RTL8A: variants seen among roughly 807,000 people sequenced by gnomAD.
RTL8A encodes retrotransposon Gag like 8A.
RTL8A carries 4 observed loss-of-function variants against 4.4 expected under a neutral mutation model. The ratio of observed to expected loss-of-function variants is 0.92; its 90% CI spans 0.45 to 2.10. The LOEUF is 2.10. Among genes scored for constraint, RTL8A ranks in the 30% most tolerant of loss-of-function variants. The pLI is 0.03. For synonymous variants in RTL8A, 47 were observed against 45.3 expected (o/e 1.04, Z -0.15); for missense variants, 84 against 99.4 (o/e 0.85, Z 0.66).
Position 135,051,645 on chromosome X carries a change from T to C in RTL8A, c.*122A>G. 1 of 1,111,292 alleles carries C rather than the reference T, an allele frequency of 9.0e-7. No homozygotes were observed. The highest frequency in any genetic ancestry group is 1.2e-6 in the Non-Finnish European group (1 of 847,777). 91.6% of individuals were successfully genotyped at this position (1,111,292 alleles called of 1,213,427 possible). The stretch of plus-strand genomic sequence containing the variant: ...GGAGGGGACAGGAGCGCAGGGGACA[T>C]CGCGGCGGCTCGAGGGGGAGGGAGG... On this transcript the variant is annotated 3_prime_UTR_variant, in exon 1 of 1. Transcript: ENST00000370775.
In RTL8A at chrX:135,051,698, C is replaced by A; in HGVS notation, c.*69G>T. On this transcript the variant is annotated 3_prime_UTR_variant, in exon 1 of 1. Transcript: ENST00000370775. ...CGGAGGGAGGGCGCCTGTGGAGACCCTAGCGGTGGCCACTGGCACAGCGAA... is the reference window on the plus strand; with the variant it reads ...CGGAGGGAGGGCGCCTGTGGAGACCATAGCGGTGGCCACTGGCACAGCGAA... 8.5e-7 allele frequency: 1 copy of A among 1,177,030 alleles called. No homozygotes were observed. The highest frequency in any genetic ancestry group is 3.0e-5 in the East Asian group (1 of 33,208).
In RTL8A at chrX:135,051,320, AGT is replaced by A. The variant is rs2083335951; in HGVS notation, c.*445_*446del. 1 of 989,290 alleles carries A rather than the reference AGT, an allele frequency of 1.0e-6. No homozygotes were observed. Among genetic ancestry groups the A allele is most frequent in the South Asian group, 2.0e-5 (1 of 50,421 alleles). The allele number at this position is 989,290 out of a possible 1,213,427, so 81.5% of individuals were successfully genotyped here. A position where few individuals can be genotyped will look rare whatever the true frequency, so the allele number is the denominator to read the frequency against. On this transcript the variant is annotated 3_prime_UTR_variant, in exon 1 of 1. Transcript: ENST00000370775. ...GTGAGTCCACATCACTAGGAGCCACAGTCTGTTGGTGAGATGCGGTGGATGGC... is the reference window on the plus strand; with the variant it reads ...GTGAGTCCACATCACTAGGAGCCACACTGTTGGTGAGATGCGGTGGATGGC...
rs933205799 is a variant in RTL8A, at chrX:135,052,085, C to T, written c.24G>A (p.Met8Ile). The change falls in exon 1 of 1, where the codon ATG (methionine) becomes ATA (isoleucine). Residue 8 changes from methionine (M) to isoleucine (I), a missense_variant. Transcript: ENST00000370775. ...GGAGGGGCCCGGCCAGGAGGGCCTTCATCAGCTGCACCCGACCGTCCATCG... is the reference window on the plus strand; with the variant it reads ...GGAGGGGCCCGGCCAGGAGGGCCTTTATCAGCTGCACCCGACCGTCCATCG... The part of the protein sequence containing the change: MDGRVQL[M>I]KALLAGPLRP... 2 of 1,207,378 alleles carry T rather than the reference C, an allele frequency of 1.7e-6. No homozygotes were observed. The highest frequency in any genetic ancestry group is 1.7e-5 in the African/African-American group (1 of 57,963).
rs2083337031 is a variant in RTL8A, at chrX:135,051,437, G to A, written c.*330C>T. 25 of 1,084,762 alleles carry A rather than the reference G, an allele frequency of 2.3e-5. No individual in the cohort carries two copies. The highest frequency in any genetic ancestry group is 2.8e-5 in the Admixed American group (1 of 36,085). The allele number at this position is 1,084,762 out of a possible 1,213,427, so 89.4% of individuals were successfully genotyped here. ...GAGGTGGGTTGGCAGCAGCGGCTGT[G>A]GGTGGTCTGTCCAGTATGTAACAGG... On this transcript the variant is annotated 3_prime_UTR_variant, in exon 1 of 1. Coordinates refer to ENST00000370775, the MANE Select transcript of RTL8A (RefSeq NM_001078172.2).
Position 135,051,856 on chromosome X carries a change from T to C in RTL8A, c.253A>G (p.Arg85Gly). ...PALQWVIPYIRKESPLLNDYR... is the reference protein window; with the variant it reads ...PALQWVIPYIGKESPLLNDYR... ...TCATTGAGCAGGGGGCTCTCCTTCC[T>C]GATGTAGGGGATCACCCACTGCAGG... The change falls in exon 1 of 1, where the codon AGG (arginine) becomes GGG (glycine). Residue 85 changes from arginine to glycine, a missense_variant. By Grantham distance (125) the Arg-to-Gly change is moderately radical. Coordinates refer to ENST00000370775, the MANE Select transcript of RTL8A (RefSeq NM_001078172.2). The C allele has an allele frequency of 8.3e-7, 1 of 1,207,286 alleles. No individual in the cohort carries two copies. The highest frequency in any genetic ancestry group is 1.8e-5 in the South Asian group (1 of 56,358).
chrX:135,051,824 C>T lies in RTL8A; in HGVS notation c.285G>A (p.Arg95=). ...RKESPLLNDY[R]GFLAEMKRVF... is the part of the protein sequence containing the mutation. ...CCCGCTTCATCTCGGCCAGGAAGCC[C>T]CGGTAATCATTGAGCAGGGGGCTCT... Residue 95 remains arginine, a synonymous_variant, in exon 1 of 1, where the codon CGG becomes CGA. Transcript: ENST00000370775. 2.5e-6 allele frequency: 3 copies of T among 1,204,619 alleles called. No homozygotes were observed. The Admixed American group carries it at 6.6e-5, about 26-fold the overall frequency.
At position 135,052,000 on chromosome X, in the gene RTL8A, T is replaced by G; in HGVS notation, c.109A>C (p.Thr37Pro). 8.2e-7 allele frequency: 1 copy of G among 1,212,158 alleles called. No individual in the cohort carries two copies. The highest frequency in any genetic ancestry group is 1.1e-6 in the Non-Finnish European group (1 of 895,552). Reference protein sequence around the residue: ...IPFPETFDGDTDRLPEFIVQT... With the variant: ...IPFPETFDGDPDRLPEFIVQT... ...ACGATGAACTCCGGGAGTCGGTCGG[T>G]ATCTCCGTCAAACGTCTCGGGAAAG... The change falls in exon 1 of 1, where the codon ACC (threonine) becomes CCC (proline). Residue 37 changes from threonine (T) to proline (P), a missense_variant. Physicochemically the swap from Thr to Pro is conservative, Grantham distance 38. Transcript: ENST00000370775.
chrX:135,051,741 G>A lies in RTL8A; in HGVS notation c.*26C>T. On this transcript the variant is annotated 3_prime_UTR_variant, in exon 1 of 1. Coordinates refer to ENST00000370775, the MANE Select transcript of RTL8A (RefSeq NM_001078172.2). ...ACAGCGAACTCTTCCCAGAGCACCC[G>A]CCCCCAGGCCCAAGGGTCTCCCGGC... The A allele has an allele frequency of 8.3e-7, 1 of 1,201,724 alleles. No individual in the cohort carries two copies. Among genetic ancestry groups the A allele is most frequent in the Non-Finnish European group, 1.1e-6 (1 of 890,509 alleles).
At position 135,051,465 on chromosome X, in the gene RTL8A, C is replaced by T. The variant is rs1004861671; in HGVS notation, c.*302G>A. On this transcript the variant is annotated 3_prime_UTR_variant, in exon 1 of 1. Transcript: ENST00000370775. ...TGGTCTGTCCAGTATGTAACAGGAGCCCAGCTTGCACCTGAAGTGCAGGAC... is the reference window on the plus strand; with the variant it reads ...TGGTCTGTCCAGTATGTAACAGGAGTCCAGCTTGCACCTGAAGTGCAGGAC... 1.8e-6 allele frequency: 2 copies of T among 1,109,724 alleles called. No homozygotes were observed. Among genetic ancestry groups the T allele is most frequent in the African/African-American group, 3.7e-5 (2 of 54,655 alleles). 91.5% of individuals were successfully genotyped at this position (1,109,724 alleles called of 1,213,427 possible).
chrX:135,051,855 C>T lies in RTL8A; in HGVS notation c.254G>A (p.Arg85Lys). 1 of 1,207,752 alleles carries T rather than the reference C, an allele frequency of 8.3e-7. No individual in the cohort carries two copies. The highest frequency in any genetic ancestry group is 1.7e-5 in the African/African-American group (1 of 57,908). Residue 85 changes from arginine (R) to lysine (K), a missense_variant, in exon 1 of 1, where the codon AGG (arginine) becomes AAG (lysine). Transcript: ENST00000370775. ...ATCATTGAGCAGGGGGCTCTCCTTC[C>T]TGATGTAGGGGATCACCCACTGCAG... ...PALQWVIPYI[R>K]KESPLLNDYR...
In RTL8A at chrX:135,051,745, C is replaced by A; in HGVS notation, c.*22G>T. 1 of 1,204,135 alleles carries A rather than the reference C, an allele frequency of 8.3e-7. No individual in the cohort carries two copies. On this transcript the variant is annotated 3_prime_UTR_variant, in exon 1 of 1. Coordinates refer to ENST00000370775, the MANE Select transcript of RTL8A (RefSeq NM_001078172.2). ...CGAACTCTTCCCAGAGCACCCGCCC[C>A]CAGGCCCAAGGGTCTCCCGGCCTAG...
rs1233736094 is a variant in RTL8A, at chrX:135,051,311, A to G, written c.*456T>C. ...ACCTCCGAGGTGAGTCCACATCACTAGGAGCCACAGTCTGTTGGTGAGATG... is the reference window on the plus strand; with the variant it reads ...ACCTCCGAGGTGAGTCCACATCACTGGGAGCCACAGTCTGTTGGTGAGATG... On this transcript the variant is annotated 3_prime_UTR_variant, in exon 1 of 1. Transcript: ENST00000370775. The G allele has an allele frequency of 8.1e-6, 8 of 988,328 alleles. No homozygotes were observed. The highest frequency in any genetic ancestry group is 7.9e-6 in the Non-Finnish European group (6 of 758,975). 81.4% of individuals were successfully genotyped at this position (988,328 alleles called of 1,213,427 possible).
In RTL8A at chrX:135,051,922, G is replaced by A; in HGVS notation, c.187C>T (p.Leu63=). The A allele has an allele frequency of 1.7e-6, 2 of 1,212,117 alleles. No individual in the cohort carries two copies. Among genetic ancestry groups the A allele is most frequent in the Admixed American group, 2.2e-5 (1 of 46,164 alleles). ...VDENTFSNDA[L]KVTFLITRLT... The stretch of plus-strand genomic sequence containing the variant: ...CGGGTGATGAGGAACGTCACCTTCA[G>A]GGCGTCGTTGGAGAACGTGTTCTCG... The change falls in exon 1 of 1, where the codon CTG becomes TTG. Residue 63 remains leucine (L), a synonymous_variant. Transcript: ENST00000370775.
Position 135,051,526 on chromosome X carries a change from A to C in RTL8A, c.*241T>G. ...TGTGCATGGAGGGGCTGGGCTGGCA[A>C]AAGAGGGCGGAGGCAGCGCGCTCTA... On this transcript the variant is annotated 3_prime_UTR_variant, in exon 1 of 1. Transcript: ENST00000370775. 1.8e-6 allele frequency: 2 copies of C among 1,124,779 alleles called. No individual in the cohort carries two copies. The highest frequency in any genetic ancestry group is 2.1e-5 in the South Asian group (1 of 47,470). 92.7% of individuals were successfully genotyped at this position (1,124,779 alleles called of 1,213,427 possible).
rs1309077164 is a variant in RTL8A, at chrX:135,051,678, G to C, written c.*89C>G. On this transcript the variant is annotated 3_prime_UTR_variant, in exon 1 of 1. Coordinates refer to ENST00000370775, the MANE Select transcript of RTL8A (RefSeq NM_001078172.2). Reference sequence around the variant, plus strand: ...GCTCGAGGGGGAGGGAGGCGCGGAGGGAGGGCGCCTGTGGAGACCCTAGCG... The same window carrying C: ...GCTCGAGGGGGAGGGAGGCGCGGAGCGAGGGCGCCTGTGGAGACCCTAGCG... The C allele has an allele frequency of 8.8e-7, 1 of 1,132,948 alleles. No homozygotes were observed. Among genetic ancestry groups the C allele is most frequent in the Non-Finnish European group, 1.2e-6 (1 of 859,734 alleles). 93.4% of individuals were successfully genotyped at this position (1,132,948 alleles called of 1,213,427 possible).
chrX:135,051,883 C>A lies in RTL8A; in HGVS notation c.226G>T (p.Ala76Ser), dbSNP rs2083340984. ...TFLITRLTGP[A>S]LQWVIPYIRK... The stretch of plus-strand genomic sequence containing the variant: ...ATGTAGGGGATCACCCACTGCAGGG[C>A]TGGCCCCGTGAGGCGGGTGATGAGG... The change falls in exon 1 of 1, where the codon GCC becomes TCC. Residue 76 changes from alanine (A) to serine (S), a missense_variant. Physicochemically the swap from Ala to Ser is moderately conservative, Grantham distance 99. Transcript: ENST00000370775. 1 of 1,211,187 alleles carries A rather than the reference C, an allele frequency of 8.3e-7. No individual in the cohort carries two copies.
At position 135,051,763 on chromosome X, in the gene RTL8A, C is replaced by T. The variant is rs773815748; in HGVS notation, c.*4G>A. 3 of 1,203,563 alleles carry T rather than the reference C, an allele frequency of 2.5e-6. No homozygotes were observed. Among genetic ancestry groups the T allele is most frequent in the African/African-American group, 1.8e-5 (1 of 57,041 alleles). On this transcript the variant is annotated 3_prime_UTR_variant, in exon 1 of 1. Transcript: ENST00000370775. Reference sequence around the variant, plus strand: ...CCCGCCCCCAGGCCCAAGGGTCTCCCGGCCTAGAAGTCCTCGTCCTCCTCC... The same window carrying T: ...CCCGCCCCCAGGCCCAAGGGTCTCCTGGCCTAGAAGTCCTCGTCCTCCTCC...
At position 135,051,314 on chromosome X, in the gene RTL8A, A is replaced by G; in HGVS notation, c.*453T>C. 4.0e-6 allele frequency: 4 copies of G among 989,675 alleles called. No individual in the cohort carries two copies. The highest frequency in any genetic ancestry group is 5.3e-6 in the Non-Finnish European group (4 of 760,078). The allele number at this position is 989,675 out of a possible 1,213,427, so 81.6% of individuals were successfully genotyped here. On this transcript the variant is annotated 3_prime_UTR_variant, in exon 1 of 1. Coordinates refer to ENST00000370775, the MANE Select transcript of RTL8A (RefSeq NM_001078172.2). ...TCCGAGGTGAGTCCACATCACTAGGAGCCACAGTCTGTTGGTGAGATGCGG... is the reference window on the plus strand; with the variant it reads ...TCCGAGGTGAGTCCACATCACTAGGGGCCACAGTCTGTTGGTGAGATGCGG...
In RTL8A at chrX:135,051,190, G is replaced by C. The variant is rs770459682; in HGVS notation, c.*577C>G. 313 of 582,744 alleles carry C rather than the reference G, an allele frequency of 5.4e-4. 1 individual carries two copies. The highest frequency in any genetic ancestry group is 7.0e-4 in the Non-Finnish European group (276 of 392,075). The allele number at this position is 582,744 out of a possible 1,213,427, so 48.0% of individuals were successfully genotyped here. A position where few individuals can be genotyped will look rare whatever the true frequency, so the allele number is the denominator to read the frequency against. On this transcript the variant is annotated 3_prime_UTR_variant, in exon 1 of 1. Coordinates refer to ENST00000370775, the MANE Select transcript of RTL8A (RefSeq NM_001078172.2). ...TGGCAGGAACACAAGAGGTCTCTGG[G>C]GATGGGGAGGAAATGGGTCTCGCTG...
Sources: allele counts gnomAD v4.1 joint callset, GRCh38; gene constraint gnomAD v4.1.1; transcripts MANE v1.5; gene names NCBI Gene and HGNC (gene_info 2026-07-23, HGNC 2026-07-21).